VPS13D: variants seen among roughly 807,000 people sequenced by gnomAD.
VPS13D encodes vacuolar protein sorting 13 homolog D, also known as intermembrane lipid transfer protein VPS13D.
In VPS13D, 187 loss-of-function variants were observed where a neutral mutation model predicts 461.9. That is an observed-to-expected ratio of 0.40 (90% CI 0.36 to 0.46). The LOEUF (loss-of-function observed/expected upper bound fraction) is 0.46. Ranked by LOEUF, VPS13D falls within the 20% of genes least tolerant of loss-of-function variation. The pLI is 0.60. For synonymous variants in VPS13D, 1,951 were observed against 1,986.3 expected (o/e 0.98, Z 0.47); for missense variants, 4,711 against 5,364.9 (o/e 0.88, Z 3.81).
chr1:12,266,425 C>T (rs887366247), intron 13 of VPS13D, among the ~76,000 whole-genome samples: 1 of 152,240 alleles, frequency 6.6e-6, no homozygotes, highest in Non-Finnish European at 1.5e-5. Context: ...TCAGCAACCA[C>T]GCCTTGATCA....
At chr1:12,335,216 G>A (rs557910695) in intron 38 of VPS13D, among the ~76,000 whole-genome samples, 3 of 152,238 alleles carry the variant, frequency 2.0e-5, no homozygotes, top group South Asian at 2.1e-4. Flanking sequence ...ACAGGTGCAC[G>A]CCACCACGCC....
intron 32 of VPS13D, 139 bp from the exon 33 acceptor site, chr1:12,321,670 A>T: frequency 1.1e-6 from 1 of 916,096 alleles, no homozygotes; most frequent in Non-Finnish European, 1.6e-6. Flanking sequence ...TTCACTCTTC[A>T]CAGTATTTAT....
chr1:12,293,854 T>C (rs747332892), intron 24 of VPS13D, 150 bp downstream of exon 24: 6 of 764,770 alleles, frequency 7.8e-6, no homozygotes, highest in Non-Finnish European at 9.9e-6. Flanking sequence ...CTTTGTGTAA[T>C]TGAAGAGCTT....
At chr1:12,291,193 C>A (rs1642122410) in intron 23 of VPS13D, 69 bp downstream of exon 23, 3 of 1,536,666 alleles carry the variant, frequency 2.0e-6, no homozygotes, top group Non-Finnish European at 8.8e-7. Flanking sequence ...TTCTTGTTGG[C>A]TAGACAATAA....
rs769039382 is a variant in VPS13D at position 12,383,169 on chromosome 1, A to G, written c.11370+14A>G. The G allele has an allele frequency of 5.0e-6, 8 of 1,605,052 alleles. No homozygotes were observed. Among genetic ancestry groups the G allele is most frequent in the South Asian group, 1.1e-5 (1 of 89,462 alleles). On this transcript the variant is annotated intron_variant, in intron 58 of 69. Transcript: ENST00000620676. ...AGAGCACTCCAGGTGATAATTTGTC[A>G]TAAGAGCTGATGTGAAACTCTGTAC... is the stretch of plus-strand genomic sequence containing the variant.
At chr1:12,471,650 A>G (rs765124518) in intron 67 of VPS13D, among the ~76,000 whole-genome samples, 35 of 152,176 alleles carry the variant, frequency 2.3e-4, no homozygotes, top group Non-Finnish European at 4.4e-4. Context: ...GTACAGTTAT[A>G]TGATCCTTTT....
chr1:12,385,393 AATTT>A lies in VPS13D; in HGVS notation c.11484+29_11484+32del, dbSNP rs1237147141. 17 of 1,572,876 alleles carry A rather than the reference AATTT, an allele frequency of 1.1e-5. No individual in the cohort carries two copies. Among genetic ancestry groups the A allele is most frequent in the African/African-American group, 1.4e-5 (1 of 72,930 alleles). On this transcript the variant is annotated intron_variant, in intron 59 of 69. Transcript: ENST00000620676. The stretch of plus-strand genomic sequence containing the variant: ...TTGGAAGTAAGGTCTAAATATTGTG[AATTT>A]ATTTATTTGATCATCAGTTTTTTAG...
At position 12,299,413 on chromosome 1, in the gene VPS13D, C is replaced by T. The variant is rs771833933; in HGVS notation, c.6216+29C>T. 1.4e-5 allele frequency: 22 copies of T among 1,573,090 alleles called. No individual in the cohort carries two copies. Among genetic ancestry groups the T allele is most frequent in the South Asian group, 3.6e-5 (3 of 82,948 alleles). ...AGCAATCAGTATCCATTTCCTTTTCCGTTCAGCTAGTATTTGATCACTAAT... is the reference window on the plus strand; with the variant it reads ...AGCAATCAGTATCCATTTCCTTTTCTGTTCAGCTAGTATTTGATCACTAAT... On this transcript the variant is annotated intron_variant, in intron 25 of 69. Coordinates refer to ENST00000620676, the MANE Select transcript of VPS13D (RefSeq NM_015378.4). This position sits in a 1 kb window ranked among gnomAD's most constrained non-coding sequence, Gnocchi z 4.2.
At chr1:12,425,576 A>T (rs532197565) in intron 65 of VPS13D, among the ~76,000 whole-genome samples, 35 of 151,398 alleles carry the variant, frequency 2.3e-4, no homozygotes, top group South Asian at 4.2e-4. Context: ...AAAAAAAAAA[A>T]ATATCAGCGA....
chr1:12,494,218 G>A (rs527813638), intron 67 of VPS13D, among the ~76,000 whole-genome samples: 2 of 152,352 alleles, frequency 1.3e-5, no homozygotes, highest in African/African-American at 4.8e-5. Context: ...AAGATAGTTT[G>A]TGGCCTGTTG....
chr1:12,374,822 C>G (rs1258034679), intron 55 of VPS13D, among the ~76,000 whole-genome samples: 1 of 152,226 alleles, frequency 6.6e-6, no homozygotes, highest in Non-Finnish European at 1.5e-5. Context: ...ACTACAACCT[C>G]TGCCTCCTGG....
intron 68 of VPS13D, among the ~76,000 whole-genome samples, chr1:12,503,051 G>A (rs12067539): frequency 0.033 from 5,063 of 152,270 alleles, 282 homozygotes; most frequent in African/African-American, 0.11. Flanking sequence ...TTGGGAGGAC[G>A]TTGTGACCTG....
At chr1:12,261,427 A>G (rs1376467618) in intron 12 of VPS13D, among the ~76,000 whole-genome samples, 1 of 152,254 alleles carries the variant, frequency 6.6e-6, no homozygotes, top group East Asian at 1.9e-4. Flanking sequence ...TTTGAATACC[A>G]GTCTAGAGCC....
At chr1:12,338,415 G>T (rs547774877) in intron 40 of VPS13D, 110 bp downstream of exon 40, 3 of 899,852 alleles carry the variant, frequency 3.3e-6, no homozygotes, top group Middle Eastern at 2.3e-4. Flanking sequence ...ATTCCATGTC[G>T]TGAGTACTTT....
chr1:12,418,073 A>G (rs1644817911), intron 65 of VPS13D, among the ~76,000 whole-genome samples: 1 of 151,816 alleles, frequency 6.6e-6, no homozygotes, highest in Admixed American at 6.6e-5. Context: ...CACCCCATTG[A>G]TTTTTTGTAT....
In VPS13D at chr1:12,439,562, A is replaced by G. The variant is rs183048489; in HGVS notation, c.12334-16436A>G. Among the ~76,000 whole-genome samples, 43 of 152,202 alleles carry G rather than the reference A, an allele frequency of 2.8e-4. No homozygotes were observed. The East Asian group carries it at 8.1e-3, about 29-fold the overall frequency. ...TATTTTCTGTACAGCTATGAATACA[A>G]CTGAAATGTGACATGAATTTTCATA... On this transcript the variant is annotated intron_variant, in intron 65 of 69. Coordinates refer to ENST00000620676, the MANE Select transcript of VPS13D (RefSeq NM_015378.4).
At chr1:12,341,569 T>C (rs1643568241) in intron 40 of VPS13D, among the ~76,000 whole-genome samples, 1 of 152,158 alleles carries the variant, frequency 6.6e-6, no homozygotes, top group Non-Finnish European at 1.5e-5. Flanking sequence ...TGTGGAAGAA[T>C]TGGGGGCTGG....
At chr1:12,273,398 T>A (rs1331553069) in intron 18 of VPS13D, among the ~76,000 whole-genome samples, 1 of 152,250 alleles carries the variant, frequency 6.6e-6, no homozygotes, top group Non-Finnish European at 1.5e-5. Flanking sequence ...TTGTTACTTT[T>A]AAAATAATAG....
At chr1:12,382,310 C>T (rs1283291549) in intron 57 of VPS13D, among the ~76,000 whole-genome samples, 1 of 152,086 alleles carries the variant, frequency 6.6e-6, no homozygotes, top group African/African-American at 2.4e-5. Flanking sequence ...CCATGTTGAC[C>T]AGGCTGGTCT....
Sources: allele counts gnomAD v4.1 joint callset (sites outside exome capture counted in the v4.1 genomes callset), GRCh38; gene constraint gnomAD v4.1.1; non-coding constraint Gnocchi (gnomAD v3.1); transcripts MANE v1.5; gene names NCBI Gene and HGNC (gene_info 2026-07-23, HGNC 2026-07-21).